The following AFAP1L2 variants were observed in gnomAD, a reference collection of about 807,000 sequenced individuals.
AFAP1L2 encodes the protein actin filament associated protein 1 like 2.
In AFAP1L2, 46 loss-of-function variants were observed where a neutral mutation model predicts 99.3. That is an observed-to-expected ratio of 0.46 (90% CI 0.37 to 0.59). The LOEUF (loss-of-function observed/expected upper bound fraction) is 0.59, where lower values mean the gene tolerates loss of function less well. Ranked by LOEUF, AFAP1L2 falls within the 20% of genes least tolerant of loss-of-function variation. The pLI is 0.00. For synonymous variants in AFAP1L2, 397 were observed against 419.1 expected, an observed-to-expected ratio of 0.95 and a Z score of 0.64; for missense variants, 959 against 1,034.9, an observed-to-expected ratio of 0.93 and a Z score of 1.01.
In AFAP1L2 at chr10:114,299,340, T is replaced by C; in HGVS notation, c.2033A>G (p.Lys678Arg). The change falls in exon 16 of 19, where the codon AAG (lysine) becomes AGG (arginine). Residue 678 changes from lysine (K) to arginine (R), a missense_variant. Lys to Arg is a conservative substitution (Grantham distance 26). Transcript: ENST00000304129. ...YTEEKERLEK[K>R]KEEIRGHLAQ... ...CAGGTGCCCCCGGATTTCTTCCTTC[T>C]TCTTTTCAAGCCTCTCCTTCTCCTC... The C allele has an allele frequency of 6.2e-7, 1 of 1,614,256 alleles. No individual in the cohort carries two copies. Among genetic ancestry groups the C allele is most frequent in the Non-Finnish European group, 8.5e-7 (1 of 1,180,036 alleles).
downstream of AFAP1L2, chr10:114,290,046 T>A: frequency 1.9e-6 from 1 of 539,310 alleles, no homozygotes; most frequent in Non-Finnish European, 3.2e-6. Context: ...AGCAATGGAC[T>A]CTCCATGAGT....
downstream of AFAP1L2, among the ~76,000 whole-genome samples, chr10:114,292,305 G>T (rs1253497257): frequency 2.0e-5 from 3 of 151,842 alleles, no homozygotes; most frequent in African/African-American, 7.3e-5. Flanking sequence ...CTTAGGAGGG[G>T]TTAATTGTGG....
intron 1 of AFAP1L2, among the ~76,000 whole-genome samples, chr10:114,384,991 A>C (rs1471772708): frequency 6.6e-6 from 1 of 152,204 alleles, no homozygotes; most frequent in Non-Finnish European, 1.5e-5. Context: ...AGGAACAGAG[A>C]CCCACATAGG....
rs2040744749 is a variant in AFAP1L2 at position 114,299,299 on chromosome 10, C to G, written c.2074G>C (p.Glu692Gln). 6.2e-7 allele frequency: 1 copy of G among 1,614,148 alleles called. No individual in the cohort carries two copies. Among genetic ancestry groups the G allele is most frequent in the African/African-American group, 1.3e-5 (1 of 74,948 alleles). ...AGGGTTTCCTTTAGCTCCCGTTTCT[C>G]TTTCCGGAGCTGAGCCAGGTGCCCC... ...IRGHLAQLRK[E>Q]KRELKETLLK... Residue 692 changes from glutamate to glutamine, a missense_variant, in exon 16 of 19, where the codon GAG becomes CAG. Physicochemically the swap from Glu to Gln is conservative, Grantham distance 29. This residue lies in a region of AFAP1L2 where 576 missense variants were observed against 562.1 expected (regional missense o/e 1.02). Coordinates refer to ENST00000304129, the MANE Select transcript of AFAP1L2 (RefSeq NM_001001936.3).
chr10:114,305,949 T>G (rs28564363), intron 10 of AFAP1L2, among the ~76,000 whole-genome samples: 5,018 of 38,990 alleles, frequency 0.13, 367 homozygotes, highest in East Asian at 0.25. Context: ...CAGGAGGAGA[T>G]GCAGATGCAG....
At chr10:114,332,469 G>C (rs931776937) in intron 3 of AFAP1L2, among the ~76,000 whole-genome samples, 1 of 152,232 alleles carries the variant, frequency 6.6e-6, no homozygotes, top group South Asian at 2.1e-4. Context: ...GCTCAGGCAG[G>C]CCCGATATCG....
At chr10:114,303,725 C>T (rs7069822) in intron 11 of AFAP1L2, among the ~76,000 whole-genome samples, 111 of 152,288 alleles carry the variant, frequency 7.3e-4, no homozygotes, top group African/African-American at 2.5e-3. Flanking sequence ...TTGCCCCCTC[C>T]GATCCACTCC....
chr10:114,339,558 T>G (rs901631531), intron 2 of AFAP1L2, among the ~76,000 whole-genome samples: 1 of 152,254 alleles, frequency 6.6e-6, no homozygotes, highest in Non-Finnish European at 1.5e-5. Flanking sequence ...ACCATTGTTA[T>G]GGGGTGAAGT....
chr10:114,307,784 G>A (rs371953366), intron 10 of AFAP1L2, 21 bp downstream of exon 10: 91 of 1,602,406 alleles, frequency 5.7e-5, no homozygotes, highest in South Asian at 2.4e-4. Context: ...CTGTGGTCCC[G>A]GAGGTAGCTA....
At chr10:114,328,430 C>A (rs1439744904) in intron 4 of AFAP1L2, among the ~76,000 whole-genome samples, 1 of 152,182 alleles carries the variant, frequency 6.6e-6, no homozygotes, top group Non-Finnish European at 1.5e-5. Flanking sequence ...GGTGGACAAA[C>A]CTCCCTGAAG....
At position 114,307,485 on chromosome 10, in the gene AFAP1L2, C is replaced by T. The variant is rs186845378; in HGVS notation, c.1072+320G>A. Among the ~76,000 whole-genome samples the T allele has an allele frequency of 1.9e-4, 29 of 151,866 alleles. 1 individual carries two copies. The highest frequency in any genetic ancestry group is 6.5e-4 in the African/African-American group (27 of 41,426). On this transcript the variant is annotated intron_variant, in intron 10 of 18. Transcript: ENST00000304129. ...TGCCTGCCATCCTTCTGCTTGGTCC[C>T]CTTTTAGCAAGGTCCCTGCTATATA...
chr10:114,389,018 C>T (rs968969196), intron 1 of AFAP1L2, among the ~76,000 whole-genome samples: 9 of 152,192 alleles, frequency 5.9e-5, no homozygotes, highest in Admixed American at 5.9e-4. Flanking sequence ...CAGTGCCAAC[C>T]TCAGGGGTTA....
rs138853023 is a variant in AFAP1L2 at position 114,307,074 on chromosome 10, C to A, written c.1072+731G>T. The stretch of plus-strand genomic sequence containing the variant: ...TGGGACCCGCTTGGGGATCAAGATA[C>A]CAGGCCCACCCCAAGATATTTCCCA... On this transcript the variant is annotated intron_variant, in intron 10 of 18. Coordinates refer to ENST00000304129, the MANE Select transcript of AFAP1L2 (RefSeq NM_001001936.3). Among the ~76,000 whole-genome samples the A allele has an allele frequency of 1.1e-3, 173 of 152,294 alleles. 1 individual carries two copies. Among genetic ancestry groups the A allele is most frequent in the African/African-American group, 4.0e-3 (167 of 41,544 alleles).
intron 13 of AFAP1L2, among the ~76,000 whole-genome samples, chr10:114,301,086 C>G (rs2041090499): frequency 6.6e-6 from 1 of 152,162 alleles, no homozygotes; most frequent in South Asian, 2.1e-4. Flanking sequence ...ACCTCCACTC[C>G]CAATCCCACC....
At chr10:114,367,107 A>G (rs780615976) in intron 1 of AFAP1L2, among the ~76,000 whole-genome samples, 2 of 152,196 alleles carry the variant, frequency 1.3e-5, no homozygotes, top group South Asian at 2.1e-4. Flanking sequence ...CAAGGCCCCA[A>G]ATGTGTGGGA....
chr10:114,346,562 A>C (rs551996518), intron 1 of AFAP1L2, among the ~76,000 whole-genome samples: 1 of 152,270 alleles, frequency 6.6e-6, no homozygotes, highest in Admixed American at 6.5e-5. Flanking sequence ...AGGGGTGGGC[A>C]TCCCTTAGAG....
chr10:114,404,483 C>T lies in AFAP1L2; in HGVS notation c.-28G>A. On this transcript the variant is annotated 5_prime_UTR_variant, in exon 1 of 19. Coordinates refer to ENST00000304129, the MANE Select transcript of AFAP1L2 (RefSeq NM_001001936.3). ...GGGCCACGGAGTGCGCTCCTCGCGG[C>T]TCGGCTTCTGCGCTGCTCTCCCGGC... The T allele has an allele frequency of 6.5e-7, 1 of 1,534,772 alleles. No homozygotes were observed. Among genetic ancestry groups the T allele is most frequent in the Non-Finnish European group, 8.7e-7 (1 of 1,144,138 alleles).
rs186698710 is a variant in AFAP1L2, at chr10:114,329,698, A to C, written c.315+2105T>G. On this transcript the variant is annotated intron_variant, in intron 4 of 18. Transcript: ENST00000304129. ...GAGGGGCTGTGCTCTTCCCCCAGGT[A>C]TCAGGGCTGAAAGTGAGGGGAGCCT... is the stretch of plus-strand genomic sequence containing the variant. Among the ~76,000 whole-genome samples, 12 of 152,310 alleles carry C rather than the reference A, an allele frequency of 7.9e-5. No homozygotes were observed. In the East Asian group the frequency reaches 2.3e-3, roughly 29 times the overall value.
intron 11 of AFAP1L2, among the ~76,000 whole-genome samples, chr10:114,304,004 T>C (rs2041686987): frequency 6.6e-6 from 1 of 152,222 alleles, no homozygotes; most frequent in South Asian, 2.1e-4. Flanking sequence ...ATTGCTCTTG[T>C]CCACCATATT....
Sources: gnomAD v4.1 joint callset for allele counts (sites outside exome capture counted in the v4.1 genomes callset) on GRCh38, gnomAD v4.1.1 for gene constraint, gnomAD v4.1.1 regional missense constraint, MANE v1.5 for transcripts, NCBI Gene and HGNC (gene_info 2026-07-23, HGNC 2026-07-21) for gene names.